The following ADGRL3 variants were observed in gnomAD, a reference collection of about 807,000 sequenced individuals.
The protein encoded by ADGRL3 is calcium-independent alpha-latrotoxin receptor 3.
A neutral mutation model predicts 153.5 loss-of-function variants in ADGRL3; 62 were observed. The ratio of observed to expected loss-of-function variants is 0.40; its 90% CI spans 0.33 to 0.50. ADGRL3 has a LOEUF of 0.50. ADGRL3 is among the 20% of genes least tolerant of loss of function. The pLI, the probability that ADGRL3 is intolerant of heterozygous loss-of-function variation, is 0.47. For missense variants in ADGRL3, 1,641 were observed against 1,859.4 expected (o/e 0.88, Z 2.16); for synonymous variants, 710 against 672.5 (o/e 1.06, Z -0.86).
chr4:61,301,783 G>A (rs1369340488), intron 1 of ADGRL3, among the ~76,000 whole-genome samples: 2 of 152,104 alleles, frequency 1.3e-5, no homozygotes, highest in African/African-American at 2.4e-5. Flanking sequence ...CATGGACAAG[G>A]ACAAATCTGA....
intron 4 of ADGRL3, among the ~76,000 whole-genome samples, chr4:61,562,755 A>G (rs1334941823): frequency 6.6e-6 from 1 of 152,004 alleles, no homozygotes; most frequent in Non-Finnish European, 1.5e-5. Flanking sequence ...AAAATCACCC[A>G]TGAGGGTTGA....
At chr4:61,839,134 T>A (rs7695134) in intron 9 of ADGRL3, among the ~76,000 whole-genome samples, 56,824 of 152,008 alleles carry the variant, frequency 0.37, 13,607 homozygotes, top group East Asian at 0.74. Flanking sequence ...ATGTATTGCT[T>A]TCTGTGGTAT....
intron 6 of ADGRL3, among the ~76,000 whole-genome samples, chr4:61,704,625 G>A (rs2095825154): frequency 6.6e-6 from 1 of 152,084 alleles, no homozygotes; most frequent in African/African-American, 2.4e-5. Context: ...GTGTTCACAT[G>A]GATCGATTCT....
chr4:61,620,519 T>C (rs13104441), intron 5 of ADGRL3, among the ~76,000 whole-genome samples: 1 of 152,016 alleles, frequency 6.6e-6, no homozygotes, highest in East Asian at 1.9e-4. Context: ...TGAAGCCGGG[T>C]ACCAGTGTCT....
intron 1 of ADGRL3, among the ~76,000 whole-genome samples, chr4:61,349,774 A>G (rs1339772306): frequency 6.6e-6 from 1 of 152,150 alleles, no homozygotes; most frequent in Non-Finnish European, 1.5e-5. Context: ...CGGGGCCTAT[A>G]AAGCCTTCTT....
intron 2 of ADGRL3, among the ~76,000 whole-genome samples, chr4:61,388,098 C>T (rs2096760542): frequency 6.6e-6 from 1 of 152,126 alleles, no homozygotes; most frequent in African/African-American, 2.4e-5. Flanking sequence ...CCACTATCAG[C>T]TCTGGGGGCC....
chr4:61,629,721 CAAAAAAAAAAAAAAAAAAAAAAAAAAAAA>C lies in ADGRL3; in HGVS notation c.473+42298_473+42326del, dbSNP rs59504485. Among the ~76,000 whole-genome samples the C allele has an allele frequency of 1.0e-3, 34 of 33,448 alleles. 2 individuals are homozygous for C. Among genetic ancestry groups the C allele is most frequent in the Admixed American group, 6.3e-3 (10 of 1,584 alleles). 21.9% of individuals were successfully genotyped at this position (33,448 alleles called of 152,430 possible). A position where few individuals can be genotyped will look rare whatever the true frequency, so the allele number is the denominator to read the frequency against. ...GACAATGCAAGACTCCGTCTCGGGGCAAAAAAAAAAAAAAAAAAAAAAAAAAAAAAAAAAAAAAAAAAAAATTCCAAGTC... is the reference window on the plus strand; with the variant it reads ...GACAATGCAAGACTCCGTCTCGGGGCAAAAAAAAAAAAAAAATTCCAAGTC... On this transcript the variant is annotated intron_variant, in intron 5 of 26. Transcript: ENST00000683033.
chr4:61,691,169 T>C (rs570021263), intron 6 of ADGRL3, among the ~76,000 whole-genome samples: 1 of 152,326 alleles, frequency 6.6e-6, no homozygotes, highest in South Asian at 2.1e-4. Context: ...GCACTGATTC[T>C]AACACACAAT....
chr4:61,858,492 G>A (rs114107108), intron 9 of ADGRL3, among the ~76,000 whole-genome samples: 2,655 of 152,116 alleles, frequency 0.017, 75 homozygotes, highest in African/African-American at 0.059. Flanking sequence ...GTAGTGGCGC[G>A]TGCATGCAAT....
intron 1 of ADGRL3, among the ~76,000 whole-genome samples, chr4:61,217,635 G>A (rs935322239): frequency 1.3e-5 from 2 of 152,154 alleles, no homozygotes; most frequent in South Asian, 2.1e-4. Context: ...ACGGTGGTCA[G>A]GCACTGAAGA....
At chr4:61,311,622 T>G (rs2150537460) in intron 1 of ADGRL3, among the ~76,000 whole-genome samples, 1 of 152,282 alleles carries the variant, frequency 6.6e-6, no homozygotes, top group African/African-American at 2.4e-5. Flanking sequence ...TTAGTGTTCA[T>G]AACACATCAT....
chr4:61,938,602 A>C (rs1421955943), intron 15 of ADGRL3, among the ~76,000 whole-genome samples: 1 of 152,124 alleles, frequency 6.6e-6, no homozygotes, highest in Non-Finnish European at 1.5e-5. Context: ...CTGCTGCCGC[A>C]AGTGAACTCT....
intron 1 of ADGRL3, among the ~76,000 whole-genome samples, chr4:61,329,939 AG>A: frequency 6.6e-6 from 1 of 152,272 alleles, no homozygotes; most frequent in East Asian, 1.9e-4. Context: ...GGCCTCCTTG[AG>A]GGCCTGGAAT....
intron 9 of ADGRL3, among the ~76,000 whole-genome samples, chr4:61,861,644 C>T (rs529559510): frequency 6.6e-6 from 1 of 151,886 alleles, no homozygotes; most frequent in South Asian, 2.1e-4. Context: ...GAATTCTTGT[C>T]ATGAGCAGAA....
chr4:61,766,029 T>C (rs994245926), intron 8 of ADGRL3, among the ~76,000 whole-genome samples: 6 of 152,130 alleles, frequency 3.9e-5, no homozygotes, highest in African/African-American at 1.4e-4. Context: ...CGATTAGGCC[T>C]GGTGGAACTG....
chr4:61,694,233 T>G (rs183279610), intron 6 of ADGRL3, among the ~76,000 whole-genome samples: 1 of 136,910 alleles, frequency 7.3e-6, no homozygotes, highest in Non-Finnish European at 1.6e-5. Flanking sequence ...GGCAGGATCT[T>G]GCTTTGTTGC....
intron 1 of ADGRL3, among the ~76,000 whole-genome samples, chr4:61,296,032 G>A (rs886091967): frequency 6.6e-6 from 1 of 152,098 alleles, no homozygotes; most frequent in Non-Finnish European, 1.5e-5. Context: ...TATGTTATGT[G>A]TTTTAAAATT....
intron 8 of ADGRL3, among the ~76,000 whole-genome samples, chr4:61,776,846 A>G (rs1320489076): frequency 6.6e-6 from 1 of 152,210 alleles, no homozygotes; most frequent in Admixed American, 6.5e-5. Flanking sequence ...GTCTTCTTGA[A>G]TGTATTGATT....
chr4:61,776,726 G>A (rs10015258), intron 8 of ADGRL3, among the ~76,000 whole-genome samples: 66,795 of 151,978 alleles, frequency 0.44, 17,026 homozygotes, highest in Non-Finnish European at 0.59. Flanking sequence ...TAAATTAAAT[G>A]TATCTGTGAT....
Sources: allele counts gnomAD v4.1 joint callset (sites outside exome capture counted in the v4.1 genomes callset), GRCh38; gene constraint gnomAD v4.1.1; transcripts MANE v1.5; gene names NCBI Gene and HGNC (gene_info 2026-07-23, HGNC 2026-07-21).